Variants in DGKB observed in about 807,000 individuals in gnomAD.
The protein encoded by DGKB is 90 kDa diacylglycerol kinase.
Under a neutral mutation model 114.3 loss-of-function variants are expected in DGKB, and 67 were observed. The ratio of observed to expected loss-of-function variants is 0.59; its 90% CI spans 0.48 to 0.72. The LOEUF is 0.72. DGKB is among the 30% of genes least tolerant of loss of function. The pLI is 0.00. For synonymous variants in DGKB, 398 were observed against 323.1 expected, an observed-to-expected ratio of 1.23 and a Z score of -2.49; for missense variants, 907 against 975.2, an observed-to-expected ratio of 0.93 and a Z score of 0.93.
intron 1 of DGKB, among the ~76,000 whole-genome samples, chr7:14,965,010 A>G (rs573022175): frequency 1.3e-5 from 2 of 152,290 alleles, no homozygotes; most frequent in African/African-American, 4.8e-5. Flanking sequence ...AAGCAGAGGT[A>G]GAGGGAATGG....
At chr7:14,322,475 T>C (rs1361359677) in intron 23 of DGKB, among the ~76,000 whole-genome samples, 5 of 152,150 alleles carry the variant, frequency 3.3e-5, no homozygotes, top group Non-Finnish European at 7.4e-5. Flanking sequence ...ATTTAAACCA[T>C]GCACAAAAAT....
chr7:14,519,680 A>G (rs1789423273), intron 20 of DGKB, among the ~76,000 whole-genome samples: 2 of 151,920 alleles, frequency 1.3e-5, no homozygotes, highest in South Asian at 4.1e-4. Context: ...AAACTAGTGG[A>G]GGTTCCAGGT....
intron 7 of DGKB, among the ~76,000 whole-genome samples, chr7:14,700,511 C>T (rs1193330161): frequency 1.3e-5 from 2 of 152,194 alleles, no homozygotes; most frequent in African/African-American, 4.8e-5. Flanking sequence ...CCACCACACC[C>T]AGCCAGCATT....
Position 14,498,562 on chromosome 7 carries a change from T to G in DGKB, c.1771-20337A>C, listed in dbSNP as rs1785642730. ...TTAAAATGCAGGCATCCTTTTCGAT[T>G]TTATGATTAATCATCAGAATTAAAG... On this transcript the variant is annotated intron_variant, in intron 20 of 25. Transcript: ENST00000402815. 2.6e-5 allele frequency among the ~76,000 whole-genome samples: 4 copies of G among 151,756 alleles called. No homozygotes were observed. The South Asian group carries it at 8.3e-4, about 31-fold the overall frequency.
chr7:14,298,056 G>T (rs2128482997), intron 23 of DGKB, among the ~76,000 whole-genome samples: 1 of 152,200 alleles, frequency 6.6e-6, no homozygotes, highest in Non-Finnish European at 1.5e-5. Flanking sequence ...AAAGAAGAAA[G>T]AATACAAACA....
intron 19 of DGKB, among the ~76,000 whole-genome samples, chr7:14,576,965 C>A (rs1219029214): frequency 6.6e-6 from 1 of 152,098 alleles, no homozygotes; most frequent in Non-Finnish European, 1.5e-5. Context: ...ACTGTAGTCC[C>A]CCATTTAACA....
At chr7:14,250,755 G>T (rs1795117368) in intron 23 of DGKB, among the ~76,000 whole-genome samples, 1 of 152,088 alleles carries the variant, frequency 6.6e-6, no homozygotes, top group Non-Finnish European at 1.5e-5. Context: ...TTATTGCATT[G>T]TGGTTTATTT....
At chr7:14,499,149 T>G (rs1234615386) in intron 20 of DGKB, among the ~76,000 whole-genome samples, 8 of 151,742 alleles carry the variant, frequency 5.3e-5, no homozygotes. Flanking sequence ...AATTTTGCAC[T>G]GGTTGCTTGA....
At chr7:14,766,308 T>C (rs1255026416) in intron 2 of DGKB, among the ~76,000 whole-genome samples, 6 of 151,934 alleles carry the variant, frequency 3.9e-5, no homozygotes. Context: ...CTTATATCAA[T>C]GCAGTATAGA....
At chr7:14,395,122 C>A (rs114695540) in intron 21 of DGKB, among the ~76,000 whole-genome samples, 1 of 152,156 alleles carries the variant, frequency 6.6e-6, no homozygotes, top group African/African-American at 2.4e-5. Flanking sequence ...GATCCTACAG[C>A]AAGGCTTTAA....
At chr7:14,193,097 C>T (rs943771589) in intron 23 of DGKB, among the ~76,000 whole-genome samples, 7 of 151,546 alleles carry the variant, frequency 4.6e-5, no homozygotes, top group African/African-American at 7.3e-5. Context: ...TCCTGCTACG[C>T]GACCCAGTTC....
At chr7:14,189,034 G>C (rs905472365) in intron 23 of DGKB, among the ~76,000 whole-genome samples, 1 of 152,178 alleles carries the variant, frequency 6.6e-6, no homozygotes, top group Non-Finnish European at 1.5e-5. Context: ...AGAAACACTT[G>C]AGAGTGCTAC....
intron 2 of DGKB, among the ~76,000 whole-genome samples, chr7:14,764,929 A>C (rs1008626003): frequency 6.6e-6 from 1 of 151,994 alleles, no homozygotes; most frequent in Non-Finnish European, 1.5e-5. Context: ...TAGAGCCAGC[A>C]GCAGAAAATA....
intron 2 of DGKB, among the ~76,000 whole-genome samples, chr7:14,796,138 G>T (rs1380393943): frequency 6.6e-6 from 1 of 152,258 alleles, no homozygotes; most frequent in South Asian, 2.1e-4. Flanking sequence ...AAGTTGATGG[G>T]TGCAATTCCC....
intron 1 of DGKB, among the ~76,000 whole-genome samples, chr7:14,877,197 C>T (rs1218437315): frequency 1.1e-4 from 16 of 152,126 alleles, no homozygotes; most frequent in Non-Finnish European, 1.5e-5. Flanking sequence ...GTGGTTTACC[C>T]CCTATTATAC....
intron 1 of DGKB, among the ~76,000 whole-genome samples, chr7:14,898,987 G>T (rs994955344): frequency 6.6e-6 from 1 of 152,074 alleles, no homozygotes; most frequent in African/African-American, 2.4e-5. Flanking sequence ...CCTTAAAAAA[G>T]AATTTCGGCT....
At chr7:14,898,057 C>T (rs913630520) in intron 1 of DGKB, among the ~76,000 whole-genome samples, 1 of 151,810 alleles carries the variant, frequency 6.6e-6, no homozygotes, top group Non-Finnish European at 1.5e-5. Context: ...ATAATAAAGG[C>T]AAGCACAAGT....
In DGKB at chr7:14,471,224, A is replaced by ATGGAATATATGTATATATACATATATG. The variant is rs1781278550; in HGVS notation, c.1835+6936_1835+6937insCATATATGTATATATACATATATTCCA. Among the ~76,000 whole-genome samples the ATGGAATATATGTATATATACATATATG allele has an allele frequency of 2.3e-5, 3 of 129,132 alleles. 1 individual carries two copies. Among genetic ancestry groups the ATGGAATATATGTATATATACATATATG allele is most frequent in the African/African-American group, 1.0e-4 (3 of 29,888 alleles). 84.7% of individuals were successfully genotyped at this position (129,132 alleles called of 152,430 possible). ...GGAATATATGTATATATACATATAT[A>ATGGAATATATGTATATATACATATATG]TGTATGGAATATATGTATACATACA... On this transcript the variant is annotated intron_variant, in intron 21 of 25. Coordinates refer to ENST00000402815, the MANE Select transcript of DGKB (RefSeq NM_001350709.2).
chr7:14,750,420 A>G (rs1162802537), intron 4 of DGKB, among the ~76,000 whole-genome samples: 1 of 152,142 alleles, frequency 6.6e-6, no homozygotes, highest in East Asian at 1.9e-4. Flanking sequence ...GTTGACTGTA[A>G]CTGTTTTTGT....
Sources: gnomAD v4.1 joint callset for allele counts (sites outside exome capture counted in the v4.1 genomes callset) on GRCh38, gnomAD v4.1.1 for gene constraint, MANE v1.5 for transcripts, NCBI Gene and HGNC (gene_info 2026-07-23, HGNC 2026-07-21) for gene names.